The following ARHGAP35 variants were observed in gnomAD, a reference collection of about 807,000 sequenced individuals.
ARHGAP35 encodes the protein Rho GTPase activating protein 35.
In ARHGAP35, 15 loss-of-function variants were observed where a neutral mutation model predicts 111.1. The ratio of observed to expected loss-of-function variants is 0.13; its 90% CI spans 0.09 to 0.21. The LOEUF is 0.21. ARHGAP35 is among the 10% of genes least tolerant of loss of function. The pLI, the probability that ARHGAP35 is intolerant of heterozygous loss-of-function variation, is 1.00. For missense variants in ARHGAP35, 1,262 were observed against 1,873.0 expected, an observed-to-expected ratio of 0.67 and a Z score of 6.02; for synonymous variants, 643 against 710.3, an observed-to-expected ratio of 0.91 and a Z score of 1.51.
intron 1 of ARHGAP35, among the ~76,000 whole-genome samples, chr19:46,895,838 C>T (rs886562372): frequency 7.9e-5 from 12 of 152,284 alleles, no homozygotes; most frequent in South Asian, 2.1e-4. Context: ...TGCGGTGGCT[C>T]ATGCCTGTAA....
At chr19:46,930,519 T>C (rs1242731659) in intron 2 of ARHGAP35, among the ~76,000 whole-genome samples, 2 of 146,428 alleles carry the variant, frequency 1.4e-5, no homozygotes, top group African/African-American at 5.1e-5. Flanking sequence ...CTGGGTTCTG[T>C]TTTTTATTTC....
intron 1 of ARHGAP35, among the ~76,000 whole-genome samples, chr19:46,914,294 A>G (rs1349926269): frequency 6.6e-6 from 1 of 152,190 alleles, no homozygotes; most frequent in Non-Finnish European, 1.5e-5. Context: ...AATGATCAGC[A>G]GCATTCTGGG....
At chr19:46,910,565 TACA>T (rs1174244089) in intron 1 of ARHGAP35, among the ~76,000 whole-genome samples, 2 of 151,666 alleles carry the variant, frequency 1.3e-5, no homozygotes, top group African/African-American at 4.8e-5. Flanking sequence ...GTGCTGGGAT[TACA>T]GGCGTGAGCC....
At chr19:46,973,514 C>A (rs911984642) in intron 3 of ARHGAP35, among the ~76,000 whole-genome samples, 1 of 151,722 alleles carries the variant, frequency 6.6e-6, no homozygotes, top group Non-Finnish European at 1.5e-5. Flanking sequence ...ACAGTGAAAC[C>A]CCCTCTCTAC....
At chr19:46,959,180 G>A (rs148827993) in intron 3 of ARHGAP35, among the ~76,000 whole-genome samples, 5 of 151,972 alleles carry the variant, frequency 3.3e-5, no homozygotes, top group Admixed American at 1.3e-4. Context: ...TCCTGGGCTC[G>A]GGTGATTCTC....
At chr19:46,929,208 G>A (rs891695704) in intron 2 of ARHGAP35, among the ~76,000 whole-genome samples, 2 of 152,166 alleles carry the variant, frequency 1.3e-5, no homozygotes, top group African/African-American at 4.8e-5. Context: ...AAACTTGGGC[G>A]TGGAATTTTT....
chr19:46,978,743 GGT>G (rs1182924308), intron 3 of ARHGAP35, among the ~76,000 whole-genome samples: 14 of 139,284 alleles, frequency 1.0e-4, no homozygotes, highest in South Asian at 2.4e-4. Context: ...GAGTCTGTGT[GGT>G]GTGTGTGTGT....
At chr19:46,923,588 C>A (rs185782784) in intron 2 of ARHGAP35, among the ~76,000 whole-genome samples, 32 of 151,666 alleles carry the variant, frequency 2.1e-4, no homozygotes, top group South Asian at 1.3e-3. Flanking sequence ...TCTTCCCCCC[C>A]ACCCCCAATT....
In ARHGAP35 at chr19:46,901,265, A is replaced by C. The variant is rs1025916473; in HGVS notation, c.-188-17223A>C. ...TAGGGAATAAGAATTTGAGGGTTTAATATAAGAGCAGGCCAGGCATAGTGG... is the reference window on the plus strand; with the variant it reads ...TAGGGAATAAGAATTTGAGGGTTTACTATAAGAGCAGGCCAGGCATAGTGG... On this transcript the variant is annotated intron_variant, in intron 1 of 6. Coordinates refer to ENST00000672722, the MANE Select transcript of ARHGAP35 (RefSeq NM_004491.5). The surrounding 1 kb of genome is among the most constrained non-coding windows in gnomAD (Gnocchi z 4.5). Among the ~76,000 whole-genome samples the C allele has an allele frequency of 2.6e-5, 4 of 152,106 alleles. No homozygotes were observed. Among genetic ancestry groups the C allele is most frequent in the Admixed American group, 6.6e-5 (1 of 15,264 alleles).
chr19:46,891,343 A>T (rs1455374748), intron 1 of ARHGAP35, among the ~76,000 whole-genome samples: 1 of 151,450 alleles, frequency 6.6e-6, no homozygotes, highest in East Asian at 1.9e-4. Context: ...TGAATGGGGG[A>T]GTTTGGAATT....
rs117948510 is a variant in ARHGAP35 at position 46,965,363 on chromosome 19, T to G, written c.3827-22626T>G. Among the ~76,000 whole-genome samples the G allele has an allele frequency of 5.2e-3, 788 of 152,368 alleles. 6 individuals carry two copies. Among genetic ancestry groups the G allele is most frequent in the African/African-American group, 0.016 (657 of 41,580 alleles). Reference sequence around the variant, plus strand: ...TTTCTTTTGTTTTACTGATTTTACTTTCTTGTTTTTATACCAAAATCATGT... The same window carrying G: ...TTTCTTTTGTTTTACTGATTTTACTGTCTTGTTTTTATACCAAAATCATGT... On this transcript the variant is annotated intron_variant, in intron 3 of 6. Coordinates refer to ENST00000672722, the MANE Select transcript of ARHGAP35 (RefSeq NM_004491.5).
intron 3 of ARHGAP35, among the ~76,000 whole-genome samples, chr19:46,980,474 A>C (rs2056615179): frequency 6.6e-6 from 1 of 152,194 alleles, no homozygotes; most frequent in Non-Finnish European, 1.5e-5. Flanking sequence ...CAAGCCCCTG[A>C]GAGGAGAGGC....
At chr19:46,978,068 T>A (rs2056588778) in intron 3 of ARHGAP35, among the ~76,000 whole-genome samples, 1 of 152,134 alleles carries the variant, frequency 6.6e-6, no homozygotes, top group Non-Finnish European at 1.5e-5. Context: ...CCCTGCAAGT[T>A]CATCAGGACT....
chr19:46,957,647 G>T (rs1003655016), intron 3 of ARHGAP35, among the ~76,000 whole-genome samples: 2 of 152,154 alleles, frequency 1.3e-5, no homozygotes, highest in Non-Finnish European at 2.9e-5. Context: ...TAAATGTGTG[G>T]CTTAGATGAT....
rs2056177391 is a variant in ARHGAP35, at chr19:46,918,621, T to C, written c.-55T>C. 1 of 1,544,942 alleles carries C rather than the reference T, an allele frequency of 6.5e-7. No homozygotes were observed. Among genetic ancestry groups the C allele is most frequent in the Admixed American group, 1.8e-5 (1 of 55,752 alleles). ...ATAATGTAGGAAGCTGTCTGGTCCA[T>C]TGGAAACACTAATCTGATCTCAGAA... is the stretch of plus-strand genomic sequence containing the variant. On this transcript the variant is annotated 5_prime_UTR_variant, in exon 2 of 7. Coordinates refer to ENST00000672722, the MANE Select transcript of ARHGAP35 (RefSeq NM_004491.5). The surrounding 1 kb of genome is among the most constrained non-coding windows in gnomAD (Gnocchi z 5.4).
At chr19:46,978,539 TGTG>T (rs1431663869) in intron 3 of ARHGAP35, among the ~76,000 whole-genome samples, 1 of 125,408 alleles carries the variant, frequency 8.0e-6, no homozygotes, top group Non-Finnish European at 1.7e-5. Context: ...TGTGGTGGGA[TGTG>T]TGTGTGTGGT....
intron 1 of ARHGAP35, among the ~76,000 whole-genome samples, chr19:46,905,438 C>T (rs1403466625): frequency 5.3e-5 from 8 of 150,880 alleles, no homozygotes; most frequent in African/African-American, 1.2e-4. Context: ...TGCAGTGGCG[C>T]GATCTTGGCT....
chr19:46,909,696 T>C (rs2056128598), intron 1 of ARHGAP35, among the ~76,000 whole-genome samples: 2 of 152,218 alleles, frequency 1.3e-5, no homozygotes, highest in African/African-American at 4.8e-5. Flanking sequence ...CCAACACTGT[T>C]CTGGGCAAAT....
At chr19:46,998,935 G>A (rs2056730784) in intron 5 of ARHGAP35, 4 of 210,660 alleles carry the variant, frequency 1.9e-5, no homozygotes, top group Admixed American at 5.4e-5. Context: ...TCTCCATCTG[G>A]TCAGGAAGCA....
Sources: gnomAD v4.1 joint callset for allele counts (sites outside exome capture counted in the v4.1 genomes callset) on GRCh38, gnomAD v4.1.1 for gene constraint, Gnocchi (gnomAD v3.1) non-coding constraint, MANE v1.5 for transcripts, NCBI Gene and HGNC (gene_info 2026-07-23, HGNC 2026-07-21) for gene names.